CD99: variants seen among roughly 807,000 people sequenced by gnomAD.
The protein encoded by CD99 is CD99 antigen.
In CD99, 19 loss-of-function variants were observed where a neutral mutation model predicts 28.4. That is an observed-to-expected ratio of 0.67 (90% CI 0.47 to 0.98). The LOEUF (loss-of-function observed/expected upper bound fraction) is 0.98, where lower values mean the gene tolerates loss of function less well. Ranked by LOEUF, CD99 falls within the 50% of genes least tolerant of loss-of-function variation. CD99 has a pLI of 0.00. For synonymous variants in CD99, 103 were observed against 92.1 expected, an observed-to-expected ratio of 1.12 and a Z score of -0.67; for missense variants, 283 against 248.8, an observed-to-expected ratio of 1.14 and a Z score of -0.92.
At chrX:2,716,046 T>C (rs2048693768) in intron 2 of CD99, among the ~76,000 whole-genome samples, 1 of 145,654 alleles carries the variant, frequency 6.9e-6, no homozygotes, top group Admixed American at 7.1e-5. Context: ...CGAGATGGAG[T>C]CTCTCTCTGT....
Position 2,740,932 on chromosome X carries a change from T to C in CD99, c.*128T>C. 2.9e-6 allele frequency: 3 copies of C among 1,041,322 alleles called. No individual in the cohort carries two copies. The highest frequency in any genetic ancestry group is 1.3e-5 in the South Asian group (1 of 78,646). 64.5% of individuals were successfully genotyped at this position (1,041,322 alleles called of 1,614,324 possible). On this transcript the variant is annotated 3_prime_UTR_variant, in exon 10 of 10. Transcript: ENST00000381192. Reference sequence around the variant, plus strand: ...TTCTGTTCACGGCGGATTCTTTGTTTTAATCTTGCGATGTGCTTTGCTTGT... The same window carrying C: ...TTCTGTTCACGGCGGATTCTTTGTTCTAATCTTGCGATGTGCTTTGCTTGT...
rs1178914903 is a variant in CD99 at position 2,703,602 on chromosome X, TTAAGTG to T, written c.68-10818_68-10813del. ...AAGCTGTAATTAACAAACCGAGCTG[TTAAGTG>T]TGTGTGTGTGTGTGTGTGTGTGTGT... On this transcript the variant is annotated intron_variant, in intron 1 of 9. Coordinates refer to ENST00000381192, the MANE Select transcript of CD99 (RefSeq NM_002414.5). Among the ~76,000 whole-genome samples the T allele has an allele frequency of 4.3e-3, 550 of 129,194 alleles. 5 individuals are homozygous for T. The highest frequency in any genetic ancestry group is 0.019 in the African/African-American group (533 of 28,024). The allele number at this position is 129,194 out of a possible 152,430, so 84.8% of individuals were successfully genotyped here.
chrX:2,709,374 G>C (rs1303669666), intron 1 of CD99, among the ~76,000 whole-genome samples: 1 of 152,154 alleles, frequency 6.6e-6, no homozygotes, highest in Non-Finnish European at 1.5e-5. Flanking sequence ...TGCTCAGATA[G>C]CACCCTCACA....
intron 1 of CD99, among the ~76,000 whole-genome samples, chrX:2,707,349 G>GAAAAGA (rs1398603140): frequency 5.4e-5 from 8 of 147,670 alleles, no homozygotes; most frequent in Admixed American, 2.0e-4. Context: ...GAAAAGAAAA[G>GAAAAGA]AAAAAAACAG....
intron 1 of CD99, chrX:2,691,642 C>A: frequency 1.4e-6 from 1 of 712,744 alleles, no homozygotes; most frequent in South Asian, 1.5e-5. Flanking sequence ...AGAGAAAAGT[C>A]AGCGTTTGTT....
At chrX:2,732,260 C>G (rs907941660) in intron 8 of CD99, among the ~76,000 whole-genome samples, 2 of 152,142 alleles carry the variant, frequency 1.3e-5, no homozygotes, top group African/African-American at 4.8e-5. Context: ...CTGGCTCAGA[C>G]CACTAACCAC....
chrX:2,722,663 C>G lies in CD99; in HGVS notation c.299C>G (p.Ser100Ter). 6.2e-7 allele frequency: 1 copy of G among 1,613,960 alleles called. No individual in the cohort carries two copies. The highest frequency in any genetic ancestry group is 8.5e-7 in the Non-Finnish European group (1 of 1,179,860). The change falls in exon 6 of 10, where the codon TCA becomes TGA. Residue 100 changes from serine to a stop codon, truncating the protein, a stop_gained. Transcript: ENST00000381192. LOFTEE classifies it high-confidence loss of function. ...FSDADLADGV[S>*]GGEGKGGSDG... The stretch of plus-strand genomic sequence containing the variant: ...GATGCTGACCTTGCGGATGGCGTTT[C>G]AGGTGGAGAAGGTACAGTTATCTTG...
chrX:2,739,920 T>TAAA lies in CD99; in HGVS notation c.533-839_533-837dup, dbSNP rs760923352. On this transcript the variant is annotated intron_variant, in intron 9 of 9. Coordinates refer to ENST00000381192, the MANE Select transcript of CD99 (RefSeq NM_002414.5). Reference sequence around the variant, plus strand: ...GAGAAACCACGTCTCTACTAAAAATTAAAAAAAAAAAAAAAAAAAAAATTA... The same window carrying TAAA: ...GAGAAACCACGTCTCTACTAAAAATTAAAAAAAAAAAAAAAAAAAAAAAAATTA... Among the ~76,000 whole-genome samples, 469 of 110,092 alleles carry TAAA rather than the reference T, an allele frequency of 4.3e-3. 4 individuals carry two copies. The highest frequency in any genetic ancestry group is 0.011 in the Middle Eastern group (2 of 186). 72.2% of individuals were successfully genotyped at this position (110,092 alleles called of 152,430 possible).
intron 2 of CD99, among the ~76,000 whole-genome samples, chrX:2,716,036 C>T (rs1237337205): frequency 2.1e-5 from 3 of 143,680 alleles, no homozygotes; most frequent in Non-Finnish European, 3.0e-5. Flanking sequence ...TTTTTTTTTC[C>T]GAGATGGAGT....
At chrX:2,738,110 C>A in intron 8 of CD99, 90 bp from the exon 9 acceptor site, 1 of 1,221,706 alleles carries the variant, frequency 8.2e-7, no homozygotes, top group Non-Finnish European at 1.2e-6. Flanking sequence ...GAGCGTCGAC[C>A]TCAGGAAAGC....
chrX:2,733,445 C>A, intron 8 of CD99: 1 of 1,501,862 alleles, frequency 6.7e-7, no homozygotes. Context: ...AAGACATAGC[C>A]TTAAAGCAAA....
At chrX:2,736,074 C>T (rs369186143) in intron 8 of CD99, among the ~76,000 whole-genome samples, 19 of 151,642 alleles carry the variant, frequency 1.3e-4, no homozygotes, top group African/African-American at 3.1e-4. Context: ...TGGTGGCGGG[C>T]GCCTGTAGTC....
chrX:2,705,594 G>A (rs1323556655), intron 1 of CD99, among the ~76,000 whole-genome samples: 3 of 152,148 alleles, frequency 2.0e-5, no homozygotes, highest in Admixed American at 2.0e-4. Flanking sequence ...TTTTTTGTGT[G>A]TGGTGAGAAC....
chrX:2,726,277 A>C lies in CD99; in HGVS notation c.379A>C (p.Ile127Leu). ...TCCTGCAGCCGACGCCCCAGGCGTG[A>C]TCCCCGGGATTGTGGGGGCTGTCGT... ...EGEEADAPGV[I>L]PGIVGAVVVA... Residue 127 changes from isoleucine (I) to leucine (L), a missense_variant, in exon 8 of 10, where the codon ATC becomes CTC. By Grantham distance (5) the Ile-to-Leu change is conservative (BLOSUM62 2). Transcript: ENST00000381192. 1 of 1,610,892 alleles carries C rather than the reference A, an allele frequency of 6.2e-7. No homozygotes were observed.
chrX:2,737,771 C>T (rs984432344), intron 8 of CD99: 10 of 336,930 alleles, frequency 3.0e-5, no homozygotes, highest in Non-Finnish European at 5.8e-5. Flanking sequence ...GCTGGGATTA[C>T]AGGCGTGAGT....
At chrX:2,726,989 T>C (rs2049321990) in intron 8 of CD99, among the ~76,000 whole-genome samples, 1 of 151,960 alleles carries the variant, frequency 6.6e-6, no homozygotes, top group Admixed American at 6.6e-5. Context: ...TACAAAAAAT[T>C]AGCCGGGCAT....
intron 8 of CD99, among the ~76,000 whole-genome samples, chrX:2,726,661 T>C (rs1298210808): frequency 6.6e-6 from 1 of 151,446 alleles, no homozygotes; most frequent in Non-Finnish European, 1.5e-5. Context: ...GCGGAATTGT[T>C]GCTGGGGTTA....
chrX:2,700,022 G>T (rs1201556060), intron 1 of CD99, among the ~76,000 whole-genome samples: 1 of 152,182 alleles, frequency 6.6e-6, no homozygotes, highest in Non-Finnish European at 1.5e-5. Flanking sequence ...GGAGCTTGCT[G>T]GTGATCACAT....
In CD99 at chrX:2,726,266, C is replaced by A; in HGVS notation, c.368C>A (p.Ala123Asp). 6.2e-7 allele frequency: 1 copy of A among 1,606,796 alleles called. No individual in the cohort carries two copies. Among genetic ancestry groups the A allele is most frequent in the Non-Finnish European group, 8.5e-7 (1 of 1,174,986 alleles). ...TGTGTGCTTCCTCCTGCAGCCGACGCCCCAGGCGTGATCCCCGGGATTGTG... is the reference window on the plus strand; with the variant it reads ...TGTGTGCTTCCTCCTGCAGCCGACGACCCAGGCGTGATCCCCGGGATTGTG... ...SHRKEGEEAD[A>D]PGVIPGIVGA... Residue 123 changes from alanine (A) to aspartate (D), a missense_variant, in exon 8 of 10, where the codon GCC (alanine) becomes GAC (aspartate). Physicochemically the swap from Ala to Asp is moderately radical, Grantham distance 126 (BLOSUM62 -2). Transcript: ENST00000381192.
Sources: allele counts gnomAD v4.1 joint callset (sites outside exome capture counted in the v4.1 genomes callset), GRCh38; gene constraint gnomAD v4.1.1; transcripts MANE v1.5; gene names NCBI Gene and HGNC (gene_info 2026-07-23, HGNC 2026-07-21).